PYGM: variants seen among roughly 807,000 people sequenced by gnomAD.
PYGM encodes glycogen phosphorylase, muscle form.
PYGM carries 81 observed loss-of-function variants against 99.3 expected under a neutral mutation model. The ratio of observed to expected loss-of-function variants is 0.82; its 90% CI spans 0.68 to 0.98. The LOEUF (loss-of-function observed/expected upper bound fraction) is 0.98. Among genes scored for constraint, PYGM ranks in the 50% least tolerant of loss-of-function variants. The probability of loss-of-function intolerance (pLI) is 0.00; values close to 1 mark genes in which losing one functional copy is unlikely to be tolerated. For missense variants in PYGM, 1,030 were observed against 1,158.1 expected, an observed-to-expected ratio of 0.89 and a Z score of 1.61; for synonymous variants, 436 against 451.5, an observed-to-expected ratio of 0.97 and a Z score of 0.44.
At position 64,755,478 on chromosome 11, in the gene PYGM, G is replaced by A. The variant is rs1259011777; in HGVS notation, c.741C>T (p.Ala247=). 1 of 1,614,158 alleles carries A rather than the reference G, an allele frequency of 6.2e-7. No individual in the cohort carries two copies. Among genetic ancestry groups the A allele is most frequent in the Admixed American group, 1.7e-5 (1 of 60,028 alleles). The change falls in exon 6 of 20, where the codon GCC becomes GCT. Residue 247 remains alanine, a synonymous_variant. Transcript: ENST00000164139. This position sits in a 1 kb window ranked among gnomAD's most constrained non-coding sequence, Gnocchi z 4.1. Reference sequence around the variant, plus strand: ...TGAGGTTGAAGTCATTGGGAGCCTTGGCAGACCAGAGGCGCATGGTGTTGA... The same window carrying A: ...TGAGGTTGAAGTCATTGGGAGCCTTAGCAGACCAGAGGCGCATGGTGTTGA... ...NVVNTMRLWS[A]KAPNDFNLKD...
Position 64,751,347 on chromosome 11 carries a change from G to A in PYGM, c.1947C>T (p.Tyr649=). The A allele has an allele frequency of 6.2e-7, 1 of 1,614,160 alleles. No individual in the cohort carries two copies. The highest frequency in any genetic ancestry group is 1.3e-5 in the African/African-American group (1 of 75,056). ...CACCTTTCTCGGCCAGTGAGACTCG[G>A]TAGTTCTCCAGGAAGATGACACGGA... ...DRLRVIFLEN[Y]RVSLAEKVIP... is the part of the protein sequence containing the mutation. Residue 649 remains tyrosine (Y), a synonymous_variant, in exon 16 of 20, where the codon TAC becomes TAT. Coordinates refer to ENST00000164139, the MANE Select transcript of PYGM (RefSeq NM_005609.4).
rs773847993 is a variant in PYGM at position 64,751,928 on chromosome 11, G to A, written c.1764C>T (p.Tyr588=). ...GGTAGAGTGGCTGCCACTCACGGTT[G>A]TACAGGGTGATGACATGGAGGCAGT... ...LLNCLHVITL[Y]NRIKREPNKF... The change falls in exon 14 of 20, where the codon TAC becomes TAT. Residue 588 remains tyrosine (Y), a synonymous_variant. Coordinates refer to ENST00000164139, the MANE Select transcript of PYGM (RefSeq NM_005609.4). 1.2e-6 allele frequency: 2 copies of A among 1,614,180 alleles called. No homozygotes were observed. The highest frequency in any genetic ancestry group is 1.7e-6 in the Non-Finnish European group (2 of 1,180,024).
At chr11:64,758,791 C>T in intron 1 of PYGM, 87 bp from the exon 2 acceptor site, 1 of 1,200,240 alleles carries the variant, frequency 8.3e-7, no homozygotes, top group Non-Finnish European at 1.2e-6. Flanking sequence ...GACCTCTGGC[C>T]CGCCTGCCCT....
chr11:64,759,910 G>A lies in PYGM; in HGVS notation c.-12C>T. 4 of 1,613,772 alleles carry A rather than the reference G, an allele frequency of 2.5e-6. No individual in the cohort carries two copies. The highest frequency in any genetic ancestry group is 3.4e-6 in the Non-Finnish European group (4 of 1,179,968). On this transcript the variant is annotated 5_prime_UTR_variant, in exon 1 of 20. Transcript: ENST00000164139. Reference sequence around the variant, plus strand: ...AGGGGCCGGGACATGGCTGCAGGAGGGCGGGCCGGACTGGACTGATGGTAG... The same window carrying A: ...AGGGGCCGGGACATGGCTGCAGGAGAGCGGGCCGGACTGGACTGATGGTAG...
At chr11:64,752,990 C>T in intron 12 of PYGM, 83 bp downstream of exon 12, 1 of 1,264,630 alleles carries the variant, frequency 7.9e-7, no homozygotes, top group Middle Eastern at 1.9e-4. Flanking sequence ...AGCCCTGATG[C>T]AGTGAACCAC....
Position 64,759,623 on chromosome 11 carries a change from C to A in PYGM, c.243+33G>T, listed in dbSNP as rs1321264445. 3 of 1,611,156 alleles carry A rather than the reference C, an allele frequency of 1.9e-6. No individual in the cohort carries two copies. The Admixed American group carries it at 5.0e-5, about 27-fold the overall frequency. On this transcript the variant is annotated intron_variant, in intron 1 of 19. Transcript: ENST00000164139. The stretch of plus-strand genomic sequence containing the variant: ...GCCAGCTCCCTGGCAGCGCCTTCAG[C>A]CCATACCCCCACCCCAGGCTCCCCA...
At position 64,754,768 on chromosome 11, in the gene PYGM, GA is replaced by G. The variant is rs1565536285; in HGVS notation, c.923del (p.Ile308ThrfsTer43). ...YFVVAATLQD[I>X]IRRFKSSKFG... ...ACTTGGAAGACTTGAAGCGACGGAT[GA>G]TGTCCTGGAGGGTGGCAGCCACCAC... On this transcript the variant is annotated frameshift_variant, in exon 8 of 20. Transcript: ENST00000164139. LOFTEE classifies it high-confidence loss of function. This position sits in a 1 kb window ranked among gnomAD's most constrained non-coding sequence, Gnocchi z 5.5. 1 of 1,613,830 alleles carries G rather than the reference GA, an allele frequency of 6.2e-7. No homozygotes were observed. Among genetic ancestry groups the G allele is most frequent in the East Asian group, 2.2e-5 (1 of 44,898 alleles).
In PYGM at chr11:64,755,612, C is replaced by G. The variant is rs894457985; in HGVS notation, c.661-54G>C. On this transcript the variant is annotated intron_variant, in intron 5 of 19. Transcript: ENST00000164139. This position sits in a 1 kb window ranked among gnomAD's most constrained non-coding sequence, Gnocchi z 4.1. ...GCCAGCCCTGGCAATTGCCTCCCTCCCCTCAGGGCTGGGACTCAAGGCTTT... is the reference window on the plus strand; with the variant it reads ...GCCAGCCCTGGCAATTGCCTCCCTCGCCTCAGGGCTGGGACTCAAGGCTTT... 67 of 1,412,632 alleles carry G rather than the reference C, an allele frequency of 4.7e-5. No homozygotes were observed. The highest frequency in any genetic ancestry group is 6.5e-5 in the Non-Finnish European group (65 of 1,003,044). The allele number at this position is 1,412,632 out of a possible 1,614,324, so 87.5% of individuals were successfully genotyped here. A position where few individuals can be genotyped will look rare whatever the true frequency, so the allele number is the denominator to read the frequency against.
At chr11:64,750,978 G>T (rs1372072620) in intron 16 of PYGM, among the ~76,000 whole-genome samples, 1 of 152,076 alleles carries the variant, frequency 6.6e-6, no homozygotes, top group Admixed American at 6.5e-5. Flanking sequence ...TGCAACCTCC[G>T]CCTCCCAGGT....
At chr11:64,751,760 T>G in intron 14 of PYGM, 105 bp from the exon 15 acceptor site, 1 of 1,530,218 alleles carries the variant, frequency 6.5e-7, no homozygotes, top group Non-Finnish European at 9.0e-7. Context: ...GAACAATCAC[T>G]TGCTATGCTC....
rs377713922 is a variant in PYGM, at chr11:64,759,687, G to A, written c.212C>T (p.Thr71Met). The A allele has an allele frequency of 5.0e-6, 8 of 1,613,966 alleles. No individual in the cohort carries two copies. Among genetic ancestry groups the A allele is most frequent in the South Asian group, 3.3e-5 (3 of 91,092 alleles). ...GTCCTTCTCATAGTAGTGCTGCTGC[G>A]TGCGGATCCAGCGCCCCACGAGGTG... is the stretch of plus-strand genomic sequence containing the variant. ...RDHLVGRWIR[T>M]QQHYYEKDPK... is the part of the protein sequence containing the mutation. The change falls in exon 1 of 20, where the codon ACG (threonine) becomes ATG (methionine). Residue 71 changes from threonine (T) to methionine (M), a missense_variant. Transcript: ENST00000164139.
chr11:64,751,203 T>G, intron 16 of PYGM, 122 bp downstream of exon 16: 1 of 1,450,384 alleles, frequency 6.9e-7, no homozygotes, highest in South Asian at 1.2e-5. Context: ...CCTCATGGTT[T>G]AAGCATTGCC....
At chr11:64,758,188 A>C in intron 4 of PYGM, 58 bp downstream of exon 4, 2 of 1,533,458 alleles carry the variant, frequency 1.3e-6, no homozygotes, top group Non-Finnish European at 1.8e-6. Flanking sequence ...GATGATAAAC[A>C]AGTGGGGGTC....
At chr11:64,748,907 G>C (rs1047965475) in intron 17 of PYGM, 7 of 151,724 alleles carry the variant, frequency 4.6e-5, no homozygotes, top group African/African-American at 1.7e-4. Context: ...AAATTACCTG[G>C]GCGTGATGGT....
rs770037071 is a variant in PYGM at position 64,759,839 on chromosome 11, G to A, written c.60C>T (p.Ala20=). 97 of 1,614,152 alleles carry A rather than the reference G, an allele frequency of 6.0e-5. 1 individual carries two copies. The East Asian group carries it at 1.4e-3, about 23-fold the overall frequency. Residue 20 remains alanine (A), a synonymous_variant, in exon 1 of 20, where the codon GCC becomes GCT. Coordinates refer to ENST00000164139, the MANE Select transcript of PYGM (RefSeq NM_005609.4). ...TCAGCTCAGTCACGTTCTCCACGCC[G>A]GCCAGGCCACGCACACTGATTTGCT... The part of the protein sequence containing the change: ...KRKQISVRGL[A]GVENVTELKK...
chr11:64,752,974 G>C, intron 12 of PYGM, 99 bp downstream of exon 12: 1 of 1,141,352 alleles, frequency 8.8e-7, no homozygotes, highest in East Asian at 2.3e-5. Flanking sequence ...TCAGCCTTCA[G>C]CTGGGAGCCC....
chr11:64,757,141 T>A (rs528259614), intron 5 of PYGM, among the ~76,000 whole-genome samples: 1 of 152,220 alleles, frequency 6.6e-6, no homozygotes, highest in African/African-American at 2.4e-5. Flanking sequence ...CAGGCTGGTC[T>A]CGAACTCCTG....
rs540487525 is a variant in PYGM at position 64,746,806 on chromosome 11, G to A, written c.2382C>T (p.Asn794=). The A allele has an allele frequency of 2.8e-4, 459 of 1,614,182 alleles. 4 individuals carry two copies. In the South Asian group the frequency reaches 5.0e-3, roughly 17 times the overall value. ...TCACCATCCGCGTCCACTCTCTTGG[G>A]TTCTGCAGGTCAAAGGGAAGCTCTG... ...CQEKVSALYK[N]PREWTRMVIR... is the part of the protein sequence containing the mutation. Residue 794 remains asparagine, a splice_region_variant and synonymous_variant, in exon 20 of 20, where the codon AAC becomes AAT. Coordinates refer to ENST00000164139, the MANE Select transcript of PYGM (RefSeq NM_005609.4).
Position 64,754,550 on chromosome 11 carries a change from A to G in PYGM, c.999+143T>C. On this transcript the variant is annotated intron_variant, in intron 8 of 19. Coordinates refer to ENST00000164139, the MANE Select transcript of PYGM (RefSeq NM_005609.4). This position sits in a 1 kb window ranked among gnomAD's most constrained non-coding sequence, Gnocchi z 5.5. The stretch of plus-strand genomic sequence containing the variant: ...GGAAGCCCAGGTTCTGAGCCTGTGG[A>G]TTGTGAATCCTGAACAACTGACCCT... 1 of 1,293,240 alleles carries G rather than the reference A, an allele frequency of 7.7e-7. No individual in the cohort carries two copies. The highest frequency in any genetic ancestry group is 2.6e-4 in the Middle Eastern group (1 of 3,832). 80.1% of individuals were successfully genotyped at this position (1,293,240 alleles called of 1,614,324 possible).
Sources: gnomAD v4.1 joint callset for allele counts (sites outside exome capture counted in the v4.1 genomes callset) on GRCh38, gnomAD v4.1.1 for gene constraint, Gnocchi (gnomAD v3.1) non-coding constraint, MANE v1.5 for transcripts, NCBI Gene and HGNC (gene_info 2026-07-23, HGNC 2026-07-21) for gene names.